Variants in TLE2 observed in about 807,000 individuals in gnomAD.
The protein encoded by TLE2 is transducin-like enhancer protein 2.
A neutral mutation model predicts 97.2 loss-of-function variants in TLE2; 74 were observed. That is an observed-to-expected ratio of 0.76 (90% CI 0.63 to 0.92). TLE2 has a LOEUF of 0.92. Among genes scored for constraint, TLE2 ranks in the 40% least tolerant of loss-of-function variants. The probability of loss-of-function intolerance (pLI) is 0.00; values close to 1 mark genes in which losing one functional copy is unlikely to be tolerated. For missense variants in TLE2, 1,038 were observed against 1,008.7 expected, an observed-to-expected ratio of 1.03 and a Z score of -0.39; for synonymous variants, 499 against 432.1, an observed-to-expected ratio of 1.15 and a Z score of -1.92.
intron 5 of TLE2, chr19:3,020,708 A>C (rs771228459): frequency 6.6e-6 from 1 of 152,196 alleles, no homozygotes; most frequent in Non-Finnish European, 1.5e-5. Flanking sequence ...GCCTCTCAGC[A>C]TAACATTTTA....
At chr19:3,012,893 G>A (rs1240391327) in intron 11 of TLE2, among the ~76,000 whole-genome samples, 2 of 152,200 alleles carry the variant, frequency 1.3e-5, no homozygotes, top group African/African-American at 2.4e-5. Flanking sequence ...TGGATGGGAC[G>A]ACTGTGGGGT....
intron 19 of TLE2, among the ~76,000 whole-genome samples, chr19:2,998,888 G>A (rs1317876995): frequency 1.3e-5 from 2 of 152,204 alleles, no homozygotes; most frequent in Admixed American, 6.5e-5. Flanking sequence ...CAAGGCAATG[G>A]CTTAGACCAG....
chr19:3,045,629 C>T (rs112501424), intron 1 of TLE2: 28,683 of 363,670 alleles, frequency 0.079, 1,504 homozygotes, highest in Non-Finnish European at 0.11. Context: ...CCAGCCTGGC[C>T]AACATGGTGA....
In TLE2 at chr19:3,025,016, T is replaced by G. The variant is rs1291693467; in HGVS notation, c.294+4A>C. On this transcript the variant is annotated splice_donor_region_variant and intron_variant, in intron 5 of 19. Transcript: ENST00000262953. Reference sequence around the variant, plus strand: ...CTCCTCCCCCCACCCCCAGGCCCACTCACCTCCTGGGTCAGGAAGGGGATA... The same window carrying G: ...CTCCTCCCCCCACCCCCAGGCCCACGCACCTCCTGGGTCAGGAAGGGGATA... 3 of 965,204 alleles carry G rather than the reference T, an allele frequency of 3.1e-6. No homozygotes were observed. Among genetic ancestry groups the G allele is most frequent in the Middle Eastern group, 2.5e-4 (1 of 3,942 alleles). The allele number at this position is 965,204 out of a possible 1,614,324, so 59.8% of individuals were successfully genotyped here. A position where few individuals can be genotyped will look rare whatever the true frequency, so the allele number is the denominator to read the frequency against.
chr19:3,009,736 C>A, intron 12 of TLE2, 34 bp from the exon 13 acceptor site: 2 of 1,576,556 alleles, frequency 1.3e-6, no homozygotes. Context: ...GGTTTTGACG[C>A]CCTGGACCCA....
At chr19:3,008,973 G>A (rs1438418940) in intron 13 of TLE2, 28 bp from the exon 14 acceptor site, 1 of 1,539,670 alleles carries the variant, frequency 6.5e-7, no homozygotes, top group Non-Finnish European at 8.8e-7. Flanking sequence ...GGGTGTCAGT[G>A]AGGCAGGTGA....
rs374657688 is a variant in TLE2, at chr19:3,008,907, G to T, written c.1212C>A (p.Ser404=). 6.3e-7 allele frequency: 1 copy of T among 1,595,420 alleles called. No homozygotes were observed. Among genetic ancestry groups the T allele is most frequent in the East Asian group, 2.3e-5 (1 of 43,726 alleles). Residue 404 remains serine, a synonymous_variant, in exon 14 of 20, where the codon TCC becomes TCA. Transcript: ENST00000262953. ...GGATGCTGGGTAGGGAGGAAGAGAC[G>T]GATGACCCTCGGAGATGGGGATGAG... ...FESHPHLRGS[S]VSSSLPSIPG...
chr19:3,012,228 G>A (rs545628255), intron 11 of TLE2, among the ~76,000 whole-genome samples: 1 of 152,126 alleles, frequency 6.6e-6, no homozygotes, highest in South Asian at 2.1e-4. Context: ...ACTCCTCCCT[G>A]GGTGACAGAG....
At position 3,027,863 on chromosome 19, in the gene TLE2, A is replaced by G; in HGVS notation, c.197T>C (p.Met66Thr). The G allele has an allele frequency of 1.2e-6, 2 of 1,611,206 alleles. No individual in the cohort carries two copies. The highest frequency in any genetic ancestry group is 1.7e-6 in the Non-Finnish European group (2 of 1,178,890). Residue 66 changes from methionine to threonine, a missense_variant, in exon 4 of 20, where the codon ATG becomes ACG. By Grantham distance (81) the Met-to-Thr change is moderately conservative. Coordinates refer to ENST00000262953, the MANE Select transcript of TLE2 (RefSeq NM_003260.5). ...MQRHYVMYYE[M>T]SYGLNIEMHK... ...CATTTCAATGTTGAGCCCGTACGAC[A>G]TCTCATAATACTGCAAAGGAAAAAC...
Position 3,025,137 on chromosome 19 carries a change from C to T in TLE2, c.232-55G>A, listed in dbSNP as rs376904924. On this transcript the variant is annotated intron_variant, in intron 4 of 19. Coordinates refer to ENST00000262953, the MANE Select transcript of TLE2 (RefSeq NM_003260.5). ...AGCGGGGTAGAGATTTGCAACCCAG[C>T]TCTGGACTCCCAGGCGGACCAGGTG... is the stretch of plus-strand genomic sequence containing the variant. The T allele has an allele frequency of 6.7e-5, 102 of 1,512,316 alleles. No homozygotes were observed. In the African/African-American group the frequency reaches 1.2e-3, roughly 18 times the overall value. 93.7% of individuals were successfully genotyped at this position (1,512,316 alleles called of 1,614,324 possible). A position where few individuals can be genotyped will look rare whatever the true frequency, so the allele number is the denominator to read the frequency against.
In TLE2 at chr19:3,028,695, GCC is replaced by G; in HGVS notation, c.122+9_122+10del. 6.2e-7 allele frequency: 1 copy of G among 1,612,310 alleles called. No homozygotes were observed. Among genetic ancestry groups the G allele is most frequent in the South Asian group, 1.1e-5 (1 of 91,074 alleles). ...GTGAACTCCCGCGGCCCCTGGGGCG[GCC>G]CCCCTCACCTGTGGTATTGAGCCTG... On this transcript the variant is annotated intron_variant, in intron 2 of 19. Coordinates refer to ENST00000262953, the MANE Select transcript of TLE2 (RefSeq NM_003260.5).
intron 17 of TLE2, among the ~76,000 whole-genome samples, chr19:3,004,466 T>G (rs1203301653): frequency 6.6e-6 from 1 of 151,952 alleles, no homozygotes; most frequent in Non-Finnish European, 1.5e-5. Context: ...AGTGAAACCC[T>G]GTCTCTACCG....
At chr19:3,040,275 G>A (rs2090090482) in intron 1 of TLE2, among the ~76,000 whole-genome samples, 1 of 152,172 alleles carries the variant, frequency 6.6e-6, no homozygotes, top group Admixed American at 6.5e-5. Context: ...CCCCCTGGAA[G>A]GCACAGCACA....
intron 14 of TLE2, among the ~76,000 whole-genome samples, chr19:3,008,438 G>T (rs1411223387): frequency 6.6e-6 from 1 of 150,728 alleles, no homozygotes; most frequent in African/African-American, 2.4e-5. Flanking sequence ...TTATGCAAGA[G>T]ACTTTTTTTC....
intron 1 of TLE2, among the ~76,000 whole-genome samples, chr19:3,045,529 G>A (rs2090135090): frequency 6.6e-6 from 1 of 152,112 alleles, no homozygotes; most frequent in South Asian, 2.1e-4. Flanking sequence ...AAATGGTTAA[G>A]ATCCTGGCTG....
chr19:3,040,501 C>T (rs757217380), intron 1 of TLE2, among the ~76,000 whole-genome samples: 1 of 151,524 alleles, frequency 6.6e-6, no homozygotes, highest in Non-Finnish European at 1.5e-5. Flanking sequence ...CCACCATGCC[C>T]GGCTCATTTT....
At position 3,019,817 on chromosome 19, in the gene TLE2, G is replaced by A. The variant is rs375867963; in HGVS notation, c.295-44C>T. The A allele has an allele frequency of 3.8e-5, 61 of 1,586,004 alleles. No homozygotes were observed. Among genetic ancestry groups the A allele is most frequent in the Non-Finnish European group, 5.1e-5 (59 of 1,167,734 alleles). On this transcript the variant is annotated intron_variant, in intron 5 of 19. Transcript: ENST00000262953. This position sits in a 1 kb window ranked among gnomAD's most constrained non-coding sequence, Gnocchi z 5.1. Reference sequence around the variant, plus strand: ...CAGGTAGAGGGTACATTGAGCCCCTGCTCATGCTAGCGGTGCCCTTGGGGA... The same window carrying A: ...CAGGTAGAGGGTACATTGAGCCCCTACTCATGCTAGCGGTGCCCTTGGGGA...
At chr19:3,020,592 T>C (rs530708819) in intron 5 of TLE2, 1 of 152,254 alleles carries the variant, frequency 6.6e-6, no homozygotes, top group Non-Finnish European at 1.5e-5. Context: ...ATTTCTTTGT[T>C]TTTCTGTATA....
At chr19:3,017,710 C>T (rs1420836197) in intron 8 of TLE2, 130 bp downstream of exon 8, 1 of 787,806 alleles carries the variant, frequency 1.3e-6, no homozygotes, top group Non-Finnish European at 2.0e-6. Context: ...CCTCTGCCTA[C>T]CAAAGTGCTG....
Sources: gnomAD v4.1 joint callset for allele counts (sites outside exome capture counted in the v4.1 genomes callset) on GRCh38, gnomAD v4.1.1 for gene constraint, Gnocchi (gnomAD v3.1) non-coding constraint, MANE v1.5 for transcripts, NCBI Gene and HGNC (gene_info 2026-07-23, HGNC 2026-07-21) for gene names.